The following PPM1D variants were observed in gnomAD, a reference collection of about 807,000 sequenced individuals.
PPM1D encodes protein phosphatase, Mg2+/Mn2+ dependent 1D, also known as protein phosphatase 1D.
Under a neutral mutation model 58.3 loss-of-function variants are expected in PPM1D, and 52 were observed. The observed-to-expected ratio is 0.89, with a 90% CI of 0.71 to 1.12. The LOEUF (loss-of-function observed/expected upper bound fraction) is 1.12, where lower values mean the gene tolerates loss of function less well. Among genes scored for constraint, PPM1D ranks in the 50% most tolerant of loss-of-function variants. The pLI, the probability that PPM1D is intolerant of heterozygous loss-of-function variation, is 0.00. For missense variants in PPM1D, 564 were observed against 777.2 expected (o/e 0.73, Z 3.26); for synonymous variants, 278 against 285.1 (o/e 0.98, Z 0.25).
intron 5 of PPM1D, 73 bp downstream of exon 5, chr17:60,656,914 A>ATT: frequency 6.2e-7 from 1 of 1,606,406 alleles, no homozygotes; most frequent in South Asian, 1.1e-5. Context: ...CCTGGAAACA[A>ATT]TTTTTAAATT....
At chr17:60,613,827 C>T (rs983734000) in intron 1 of PPM1D, among the ~76,000 whole-genome samples, 26 of 152,160 alleles carry the variant, frequency 1.7e-4, no homozygotes, top group African/African-American at 5.5e-4. Context: ...CTGGATTTCT[C>T]GCCGGGCCTT....
At chr17:60,646,641 G>A (rs2031255509) in intron 3 of PPM1D, among the ~76,000 whole-genome samples, 1 of 152,182 alleles carries the variant, frequency 6.6e-6, no homozygotes, top group Admixed American at 6.5e-5. Flanking sequence ...CAGAAAAGTA[G>A]ATGGTTTCTA....
At chr17:60,636,237 T>G (rs183287430) in intron 3 of PPM1D, among the ~76,000 whole-genome samples, 22 of 152,346 alleles carry the variant, frequency 1.4e-4, no homozygotes, top group Middle Eastern at 6.8e-3. Context: ...AATCACTAAA[T>G]CAAGCCCACC....
intron 4 of PPM1D, among the ~76,000 whole-genome samples, chr17:60,648,995 C>T (rs952928227): frequency 1.3e-5 from 2 of 151,508 alleles, no homozygotes; most frequent in African/African-American, 4.8e-5. Flanking sequence ...GAACTCCTGA[C>T]CTGAGGTGAT....
Position 60,639,447 on chromosome 17 carries a change from T to C in PPM1D, c.826+5470T>C, listed in dbSNP as rs555663611. ...ATTTTTAATTCTTCTTCTTCTTCTT[T>C]TTTTTTTTGAGATGGAGTCTCACTC... On this transcript the variant is annotated intron_variant, in intron 3 of 5. Transcript: ENST00000305921. Among the ~76,000 whole-genome samples, 21 of 151,646 alleles carry C rather than the reference T, an allele frequency of 1.4e-4. No homozygotes were observed. In the South Asian group the frequency reaches 2.7e-3, roughly 20 times the overall value.
At chr17:60,623,463 C>T in intron 1 of PPM1D, 58 bp from the exon 2 acceptor site, 2 of 1,474,800 alleles carry the variant, frequency 1.4e-6, no homozygotes, top group African/African-American at 1.4e-5. Context: ...CATTTGTATC[C>T]TGACAGTGTA....
chr17:60,658,409 G>A (rs187983483), intron 5 of PPM1D, among the ~76,000 whole-genome samples: 47 of 152,252 alleles, frequency 3.1e-4, no homozygotes, highest in Admixed American at 2.6e-4. Flanking sequence ...AGCACTTTGG[G>A]AGGCTGAGTT....
At position 60,616,281 on chromosome 17, in the gene PPM1D, C is replaced by G. The variant is rs139767841; in HGVS notation, c.473-7240C>G. Among the ~76,000 whole-genome samples, 1,086 of 136,026 alleles carry G rather than the reference C, an allele frequency of 8.0e-3. 9 individuals are homozygous for G. The highest frequency in any genetic ancestry group is 0.03 in the African/African-American group (1,027 of 34,304). The allele number at this position is 136,026 out of a possible 152,430, so 89.2% of individuals were successfully genotyped here. The stretch of plus-strand genomic sequence containing the variant: ...GTAGCCTGGGCGACAGAGCAAGGCT[C>G]TGTCTCAAAAAAAAAAAAAAAGGAA... On this transcript the variant is annotated intron_variant, in intron 1 of 5. Coordinates refer to ENST00000305921, the MANE Select transcript of PPM1D (RefSeq NM_003620.4).
intron 1 of PPM1D, among the ~76,000 whole-genome samples, 171 bp from the exon 2 acceptor site, chr17:60,623,350 A>G (rs1334741478): frequency 4.6e-5 from 7 of 152,158 alleles, no homozygotes; most frequent in Non-Finnish European, 1.0e-4. Flanking sequence ...TTATTAATGT[A>G]TTCATTAATT....
At chr17:60,608,215 A>G (rs2030373792) in intron 1 of PPM1D, among the ~76,000 whole-genome samples, 1 of 152,218 alleles carries the variant, frequency 6.6e-6, no homozygotes, top group Admixed American at 6.5e-5. Flanking sequence ...TCCAGAATTG[A>G]TATCACTTAG....
chr17:60,600,652 C>T lies in PPM1D; in HGVS notation c.238C>T (p.Pro80Ser), dbSNP rs757343982. 1.9e-6 allele frequency: 3 copies of T among 1,549,560 alleles called. No individual in the cohort carries two copies. The highest frequency in any genetic ancestry group is 2.4e-5 in the East Asian group (1 of 41,058). The change falls in exon 1 of 6, where the codon CCG becomes TCG. Residue 80 changes from proline to serine, a missense_variant. By Grantham distance (74) the Pro-to-Ser change is moderately conservative. Coordinates refer to ENST00000305921, the MANE Select transcript of PPM1D (RefSeq NM_003620.4). ...AGCCCGAGAGGCTCGCGACCCTCTC[C>T]CGGACGCCGGGGCCTCGCCGGCACC... ...VAAREARDPL[P>S]DAGASPAPSR...
chr17:60,648,953 TG>T (rs1357037948), intron 4 of PPM1D, among the ~76,000 whole-genome samples: 1 of 151,592 alleles, frequency 6.6e-6, no homozygotes, highest in African/African-American at 2.4e-5. Context: ...TTAGTAGAGA[TG>T]GGGTTTCATC....
chr17:60,622,434 G>A (rs1446415254), intron 1 of PPM1D, among the ~76,000 whole-genome samples: 1 of 152,032 alleles, frequency 6.6e-6, no homozygotes, highest in Non-Finnish European at 1.5e-5. Flanking sequence ...GTCATTGTTT[G>A]GACTCATTTT....
At chr17:60,642,526 T>G (rs1446804550) in intron 3 of PPM1D, among the ~76,000 whole-genome samples, 1 of 152,016 alleles carries the variant, frequency 6.6e-6, no homozygotes, top group African/African-American at 2.4e-5. Context: ...TGGCGCGATC[T>G]CGGCTCACTG....
intron 3 of PPM1D, among the ~76,000 whole-genome samples, chr17:60,644,241 C>T (rs1378975762): frequency 2.6e-5 from 4 of 151,778 alleles, no homozygotes; most frequent in Non-Finnish European, 5.9e-5. Context: ...AAAACAAAAC[C>T]CTAGGGAATT....
At chr17:60,660,031 T>G (rs139798306) in intron 5 of PPM1D, among the ~76,000 whole-genome samples, 1,928 of 151,862 alleles carry the variant, frequency 0.013, 40 homozygotes, top group African/African-American at 0.044. Context: ...TGAAACCCTG[T>G]TTCTACTAAA....
At chr17:60,622,696 T>C (rs2030729737) in intron 1 of PPM1D, among the ~76,000 whole-genome samples, 1 of 152,230 alleles carries the variant, frequency 6.6e-6, no homozygotes, top group South Asian at 2.1e-4. Flanking sequence ...GTCACAAGCA[T>C]TATTTGAGAT....
chr17:60,604,488 C>T (rs1319233626), intron 1 of PPM1D: 2 of 152,188 alleles, frequency 1.3e-5, no homozygotes, highest in Non-Finnish European at 2.9e-5. Flanking sequence ...ATCACAGGTG[C>T]TTTTCCTGTA....
chr17:60,631,864 A>G (rs189519518), intron 2 of PPM1D, among the ~76,000 whole-genome samples: 15 of 152,292 alleles, frequency 9.8e-5, no homozygotes, highest in Admixed American at 2.6e-4. Context: ...TTTGATTATC[A>G]GTGTTTTTTC....
Sources: gnomAD v4.1 joint callset for allele counts (sites outside exome capture counted in the v4.1 genomes callset) on GRCh38, gnomAD v4.1.1 for gene constraint, MANE v1.5 for transcripts, NCBI Gene and HGNC (gene_info 2026-07-23, HGNC 2026-07-21) for gene names.